The following GARNL3 variants were observed in gnomAD, a reference collection of about 807,000 sequenced individuals.
GARNL3 encodes GTPase activating Rap/RanGAP domain like 3, also known as GTPase-activating Rap/Ran-GAP domain-like protein 3.
In GARNL3, 63 loss-of-function variants were observed where a neutral mutation model predicts 125.0. That is an observed-to-expected ratio of 0.50 (90% confidence interval 0.41 to 0.62). GARNL3 has a LOEUF of 0.62. GARNL3 is among the 20% of genes least tolerant of loss of function. The probability of loss-of-function intolerance (pLI) is 0.00; values close to 1 mark genes in which losing one functional copy is unlikely to be tolerated. For missense variants in GARNL3, 994 were observed against 1,244.0 expected, an observed-to-expected ratio of 0.80 and a Z score of 3.02; for synonymous variants, 439 against 457.5, an observed-to-expected ratio of 0.96 and a Z score of 0.52.
chr9:127,250,864 G>T (rs113431980), intron 2 of GARNL3, among the ~76,000 whole-genome samples: 3 of 152,052 alleles, frequency 2.0e-5, no homozygotes, highest in African/African-American at 7.2e-5. Flanking sequence ...CTGCCAGGAC[G>T]TCCTGGCCCT....
chr9:127,322,422 A>G (rs1174410325), intron 6 of GARNL3, among the ~76,000 whole-genome samples: 1 of 152,172 alleles, frequency 6.6e-6, no homozygotes, highest in Non-Finnish European at 1.5e-5. Context: ...AAAAAAAGAT[A>G]TAGCAGCATT....
At chr9:127,330,080 C>T (rs918422029) in intron 7 of GARNL3, among the ~76,000 whole-genome samples, 8 of 152,182 alleles carry the variant, frequency 5.3e-5, no homozygotes, top group African/African-American at 9.7e-5. Context: ...ATTATCAGGC[C>T]CTATCCCAAA....
chr9:127,253,666 G>A (rs145726654), intron 2 of GARNL3, among the ~76,000 whole-genome samples: 1 of 152,312 alleles, frequency 6.6e-6, no homozygotes, highest in Non-Finnish European at 1.5e-5. Context: ...TATGGCTGGA[G>A]TGCTGAGCGG....
At chr9:127,368,156 G>A (rs976304199) in intron 22 of GARNL3, among the ~76,000 whole-genome samples, 1 of 149,086 alleles carries the variant, frequency 6.7e-6, no homozygotes, top group South Asian at 2.1e-4. Flanking sequence ...ACAGAGAGGC[G>A]ACGGGATCCA....
At chr9:127,293,836 T>A (rs2064500935) in intron 2 of GARNL3, among the ~76,000 whole-genome samples, 1 of 152,222 alleles carries the variant, frequency 6.6e-6, no homozygotes, top group African/African-American at 2.4e-5. Flanking sequence ...TTATGTTTGC[T>A]TTTGCCAGAT....
At chr9:127,289,767 G>A (rs2064359602) in intron 1 of GARNL3, among the ~76,000 whole-genome samples, 1 of 152,208 alleles carries the variant, frequency 6.6e-6, no homozygotes, top group African/African-American at 2.4e-5. Context: ...GAGGGCAAAG[G>A]CTAGACCTCT....
At chr9:127,300,132 T>G (rs1392933024) in intron 2 of GARNL3, 2 of 326,814 alleles carry the variant, frequency 6.1e-6, no homozygotes, top group Non-Finnish European at 1.2e-5. Context: ...TGTCATCATT[T>G]ACCTCTGGCC....
chr9:127,379,494 G>A (rs1198471105), intron 22 of GARNL3, among the ~76,000 whole-genome samples: 2 of 152,202 alleles, frequency 1.3e-5, no homozygotes. Flanking sequence ...GCTAGAAGTG[G>A]TCTAGATGGT....
Position 127,392,567 on chromosome 9 carries a change from CTG to C in GARNL3, c.2871-515_2871-514del, listed in dbSNP as rs1310984747. Among the ~76,000 whole-genome samples, 1 of 152,250 alleles carries C rather than the reference CTG, an allele frequency of 6.6e-6. No individual in the cohort carries two copies. The highest frequency in any genetic ancestry group is 1.5e-5 in the Non-Finnish European group (1 of 68,048). On this transcript the variant is annotated intron_variant, in intron 27 of 27. Coordinates refer to ENST00000373387, the MANE Select transcript of GARNL3 (RefSeq NM_032293.5). This position sits in a 1 kb window ranked among gnomAD's most constrained non-coding sequence, Gnocchi z 5.2. ...GTGTGAGGCCGAGAGTGGGCAGCAG[CTG>C]AGCCAGGTGGGCTTTTGCAGGCCAA...
intron 22 of GARNL3, among the ~76,000 whole-genome samples, chr9:127,376,403 G>A (rs1045813559): frequency 1.3e-5 from 2 of 150,568 alleles, no homozygotes; most frequent in Non-Finnish European, 3.0e-5. Flanking sequence ...TATTTTTAGT[G>A]GAGACGGGGT....
At position 127,393,406 on chromosome 9, in the gene GARNL3, C is replaced by A; in HGVS notation, c.*152C>A. ...CTGCACACTCGGCCAGTTCCCTCTC[C>A]AATGTCCGGTGCCATCTTTCCTGAC... On this transcript the variant is annotated 3_prime_UTR_variant, in exon 28 of 28. Coordinates refer to ENST00000373387, the MANE Select transcript of GARNL3 (RefSeq NM_032293.5). 1.8e-6 allele frequency: 1 copy of A among 566,514 alleles called. No homozygotes were observed. The highest frequency in any genetic ancestry group is 2.8e-5 in the East Asian group (1 of 35,604). The allele number at this position is 566,514 out of a possible 1,614,324, so 35.1% of individuals were successfully genotyped here.
chr9:127,308,496 A>G (rs938248883), intron 2 of GARNL3, among the ~76,000 whole-genome samples: 17 of 152,200 alleles, frequency 1.1e-4, no homozygotes, highest in Admixed American at 7.2e-4. Context: ...CAATTTGCCC[A>G]TGTAACAAGC....
chr9:127,228,537 A>G (rs2062950905), intron 1 of GARNL3, among the ~76,000 whole-genome samples: 1 of 152,204 alleles, frequency 6.6e-6, no homozygotes, highest in South Asian at 2.1e-4. Flanking sequence ...TAGTGAGGTG[A>G]AACTTTTCCT....
At chr9:127,336,376 T>G in intron 11 of GARNL3, 140 bp downstream of exon 11, 1 of 587,074 alleles carries the variant, frequency 1.7e-6, no homozygotes, top group Non-Finnish European at 3.0e-6. Flanking sequence ...GAATTTTTCC[T>G]AAGCATTGTG....
intron 14 of GARNL3, 80 bp downstream of exon 14, chr9:127,342,414 C>T: frequency 1.1e-6 from 1 of 949,090 alleles, no homozygotes; most frequent in Non-Finnish European, 1.7e-6. Context: ...GCGATGAGGC[C>T]CTGGTGAGAA....
chr9:127,291,019 C>A (rs1043854859), intron 1 of GARNL3, 149 bp from the exon 2 acceptor site: 3 of 707,282 alleles, frequency 4.2e-6, no homozygotes, highest in Non-Finnish European at 7.2e-6. Flanking sequence ...TGTATGAGTA[C>A]CTGCCTGATA....
intron 1 of GARNL3, chr9:127,243,042 C>G (rs1366820592): frequency 3.8e-6 from 5 of 1,318,166 alleles, no homozygotes; most frequent in Non-Finnish European, 5.0e-6. Context: ...CCGTTCTTCT[C>G]TGTCTCTTAG....
At chr9:127,305,265 T>C (rs768728642) in intron 2 of GARNL3, among the ~76,000 whole-genome samples, 11 of 152,260 alleles carry the variant, frequency 7.2e-5, no homozygotes, top group Non-Finnish European at 1.2e-4. Flanking sequence ...TGCCCTTTAC[T>C]GTCCACTAGT....
At chr9:127,356,988 C>T (rs559438448) in intron 20 of GARNL3, among the ~76,000 whole-genome samples, 102 of 152,352 alleles carry the variant, frequency 6.7e-4, no homozygotes, top group African/African-American at 2.4e-3. Flanking sequence ...TTCCTGGCCT[C>T]GACCCTTTCC....
Sources: allele counts gnomAD v4.1 joint callset (sites outside exome capture counted in the v4.1 genomes callset), GRCh38; gene constraint gnomAD v4.1.1; non-coding constraint Gnocchi (gnomAD v3.1); transcripts MANE v1.5; gene names NCBI Gene and HGNC (gene_info 2026-07-23, HGNC 2026-07-21).